The following DHPS variants were observed in gnomAD, a reference collection of about 807,000 sequenced individuals.
DHPS encodes deoxyhypusine synthase, also known as migration-inducing gene 13.
DHPS carries 24 observed loss-of-function variants against 38.7 expected under a neutral mutation model. That is an observed-to-expected ratio of 0.62 (90% CI 0.45 to 0.87). The LOEUF is 0.87. Ranked by LOEUF, DHPS falls within the 40% of genes least tolerant of loss-of-function variation. The pLI, the probability that DHPS is intolerant of heterozygous loss-of-function variation, is 0.00. For missense variants in DHPS, 510 were observed against 497.6 expected (o/e 1.02, Z -0.24); for synonymous variants, 250 against 204.4 (o/e 1.22, Z -1.90).
downstream of DHPS, chr19:12,672,739 C>T (rs2024458842): frequency 8.6e-7 from 1 of 1,159,292 alleles, no homozygotes; most frequent in Non-Finnish European, 1.3e-6. Flanking sequence ...TTCAGAATTC[C>T]ACTCCTGTGC....
rs567932605 is a variant in DHPS at position 12,681,534 on chromosome 19, C to G, written c.207+26G>C. 3.1e-6 allele frequency: 5 copies of G among 1,613,732 alleles called. No individual in the cohort carries two copies. The East Asian group carries it at 1.1e-4, about 36-fold the overall frequency. On this transcript the variant is annotated intron_variant, in intron 1 of 8. Coordinates refer to ENST00000210060, the MANE Select transcript of DHPS (RefSeq NM_001930.4). The stretch of plus-strand genomic sequence containing the variant: ...TTCTACAAGCCACGCCCCTCCGCGT[C>G]CCTAGAAATTCCGCCCGGTCCTCAC...
At chr19:12,681,327 G>A (rs1390551711) in intron 1 of DHPS, 1 of 1,085,394 alleles carries the variant, frequency 9.2e-7, no homozygotes. Flanking sequence ...CCCACACCAA[G>A]AATCAGTCCT....
intron 5 of DHPS, among the ~76,000 whole-genome samples, chr19:12,679,153 C>G (rs186859629): frequency 3.4e-3 from 524 of 152,234 alleles, no homozygotes; most frequent in Middle Eastern, 0.01. Flanking sequence ...TTAAAATTAG[C>G]TGGGCATGAT....
At chr19:12,675,591 GC>G, downstream of DHPS, 1 of 1,605,480 alleles carries the variant, frequency 6.2e-7, no homozygotes. Context: ...ACCCAACAGA[GC>G]CCTGCCTGCT....
downstream of DHPS, among the ~76,000 whole-genome samples, chr19:12,674,594 G>A (rs2024514858): frequency 6.6e-6 from 1 of 152,246 alleles, no homozygotes; most frequent in South Asian, 2.1e-4. Context: ...GTGGAAAGAG[G>A]AAGCATGGCT....
At chr19:12,677,601 A>G (rs1182673554) in intron 5 of DHPS, among the ~76,000 whole-genome samples, 2 of 152,040 alleles carry the variant, frequency 1.3e-5, no homozygotes, top group East Asian at 3.9e-4. Flanking sequence ...CACATAAAGA[A>G]CCAGCCTATT....
intron 7 of DHPS, chr19:12,676,537 A>C: frequency 4.5e-6 from 1 of 220,740 alleles, no homozygotes; most frequent in Non-Finnish European, 9.2e-6. Context: ...GAGCATGGGA[A>C]CCCGAGTCAA....
At chr19:12,678,200 G>A (rs978747973) in intron 5 of DHPS, among the ~76,000 whole-genome samples, 1 of 151,418 alleles carries the variant, frequency 6.6e-6, no homozygotes, top group Admixed American at 6.6e-5. Flanking sequence ...AGAGGTTGCT[G>A]TGAGCCAAGA....
chr19:12,676,174 T>C (rs754886695), intron 7 of DHPS, 32 bp from the exon 8 acceptor site: 3 of 1,565,774 alleles, frequency 1.9e-6, no homozygotes, highest in Non-Finnish European at 1.7e-6. Flanking sequence ...GTGGGCCCAG[T>C]CAGCCAGTCA....
chr19:12,673,009 C>T (rs1163587297), downstream of DHPS: 1 of 1,613,124 alleles, frequency 6.2e-7, no homozygotes, highest in East Asian at 2.2e-5. Flanking sequence ...TCCCCCAAGG[C>T]CCCATCACCT....
At chr19:12,672,784 C>CAG, downstream of DHPS, 1 of 1,522,376 alleles carries the variant, frequency 6.6e-7, no homozygotes, top group Non-Finnish European at 8.9e-7. Context: ...TGGGAAGGCA[C>CAG]AGGGCTGCCT....
chr19:12,675,733 A>C lies in DHPS; in HGVS notation c.*105T>G. 1.9e-6 allele frequency: 3 copies of C among 1,584,966 alleles called. No homozygotes were observed. The highest frequency in any genetic ancestry group is 2.6e-6 in the Non-Finnish European group (3 of 1,168,084). Reference sequence around the variant, plus strand: ...ACACAGACATGGAAGGACTTCAGATACCATCTTATTCTAGAGACGTAGCTG... The same window carrying C: ...ACACAGACATGGAAGGACTTCAGATCCCATCTTATTCTAGAGACGTAGCTG... On this transcript the variant is annotated 3_prime_UTR_variant, in exon 9 of 9. Coordinates refer to ENST00000210060, the MANE Select transcript of DHPS (RefSeq NM_001930.4).
intron 5 of DHPS, among the ~76,000 whole-genome samples, chr19:12,678,997 A>C (rs1156391839): frequency 6.6e-6 from 1 of 151,558 alleles, no homozygotes; most frequent in Non-Finnish European, 1.5e-5. Flanking sequence ...GTGACTTCAG[A>C]CAAAATTACC....
chr19:12,677,237 C>T, intron 6 of DHPS, 26 bp from the exon 7 acceptor site: 1 of 1,614,050 alleles, frequency 6.2e-7, no homozygotes. Flanking sequence ...CGAAGTCAGG[C>T]CTTGGACTCA....
chr19:12,680,322 C>T lies in DHPS; in HGVS notation c.211G>A (p.Glu71Lys), dbSNP rs148284175. The change falls in exon 2 of 9, where the codon GAG becomes AAG. Residue 71 changes from glutamate to lysine, a missense_variant. Transcript: ENST00000210060. The part of the protein sequence containing the change: ...RAVQQVNAMI[E>K]KKLEPLSQDE... Reference sequence around the variant, plus strand: ...TGTGACAGTGGTTCCAGCTTCTTCTCGATCTGTGAGTAAGGGCCAAGTCAA... The same window carrying T: ...TGTGACAGTGGTTCCAGCTTCTTCTTGATCTGTGAGTAAGGGCCAAGTCAA... 2.0e-4 allele frequency: 318 copies of T among 1,614,102 alleles called. 1 individual carries two copies. The highest frequency in any genetic ancestry group is 6.9e-4 in the African/African-American group (52 of 75,008).
chr19:12,681,096 T>C (rs748925102), intron 1 of DHPS: 4 of 1,267,460 alleles, frequency 3.2e-6, no homozygotes, highest in East Asian at 6.4e-5. Context: ...CTTCCCAAAA[T>C]GCTGGGATTA....
intron 7 of DHPS, 172 bp from the exon 8 acceptor site, chr19:12,676,314 G>C: frequency 1.2e-6 from 1 of 827,856 alleles, no homozygotes. Context: ...CACTAGAGCT[G>C]CTGGGCAACG....
intron 2 of DHPS, 117 bp downstream of exon 2, chr19:12,680,044 C>CT (rs760888595): frequency 1.3e-6 from 2 of 1,554,654 alleles, no homozygotes; most frequent in Non-Finnish European, 1.7e-6. Context: ...CAAAACAAAA[C>CT]TTGATTCTAT....
At chr19:12,673,816 C>T (rs909808204), downstream of DHPS, among the ~76,000 whole-genome samples, 13 of 152,156 alleles carry the variant, frequency 8.5e-5, no homozygotes, top group Admixed American at 5.2e-4. Context: ...TCTCATGTCT[C>T]AGCCTCCTGA....
Sources: gnomAD v4.1 joint callset for allele counts (sites outside exome capture counted in the v4.1 genomes callset) on GRCh38, gnomAD v4.1.1 for gene constraint, MANE v1.5 for transcripts, NCBI Gene and HGNC (gene_info 2026-07-23, HGNC 2026-07-21) for gene names.